The following TMEM116 variants were observed in gnomAD, a reference collection of about 807,000 sequenced individuals.
TMEM116 encodes transmembrane protein 116.
In TMEM116, 38 loss-of-function variants were observed where a neutral mutation model predicts 44.3. That is an observed-to-expected ratio of 0.86 (90% CI 0.66 to 1.12). TMEM116 has a LOEUF of 1.12. TMEM116 is among the 50% of genes most tolerant of loss of function. The pLI, the probability that TMEM116 is intolerant of heterozygous loss-of-function variation, is 0.00. For synonymous variants in TMEM116, 132 were observed against 144.8 expected, an observed-to-expected ratio of 0.91 and a Z score of 0.64; for missense variants, 354 against 401.7, an observed-to-expected ratio of 0.88 and a Z score of 1.01.
chr12:111,980,441 A>G (rs1174224893), intron 4 of TMEM116, among the ~76,000 whole-genome samples: 2 of 98,776 alleles, frequency 2.0e-5, no homozygotes, highest in Non-Finnish European at 4.3e-5. Flanking sequence ...ATATATGAAT[A>G]AAAAATTTTA....
intron 4 of TMEM116, among the ~76,000 whole-genome samples, chr12:111,953,235 A>T (rs930845101): frequency 7.2e-5 from 11 of 152,310 alleles, no homozygotes; most frequent in Middle Eastern, 3.4e-3. Flanking sequence ...AAATGTGACT[A>T]AAAGAGTTTG....
intron 4 of TMEM116, among the ~76,000 whole-genome samples, chr12:111,953,695 C>G (rs201999325): frequency 6.6e-6 from 1 of 152,216 alleles, no homozygotes; most frequent in Non-Finnish European, 1.5e-5. Flanking sequence ...CGTAATCCTC[C>G]TTATTTTTCC....
intron 4 of TMEM116, among the ~76,000 whole-genome samples, chr12:111,964,159 G>A (rs1038404337): frequency 4.1e-5 from 6 of 147,824 alleles, no homozygotes; most frequent in African/African-American, 1.5e-4. Context: ...AAAAAGTAAA[G>A]GCTGGGTGCG....
chr12:111,987,536 C>T (rs755706234), intron 4 of TMEM116, among the ~76,000 whole-genome samples: 1 of 149,808 alleles, frequency 6.7e-6, no homozygotes, highest in Non-Finnish European at 1.5e-5. Context: ...GGGGAAAGGA[C>T]TTGAAGAGAC....
intron 1 of TMEM116, chr12:112,011,381 T>C (rs1014927743): frequency 6.6e-6 from 1 of 152,272 alleles, no homozygotes; most frequent in Non-Finnish European, 1.5e-5. Flanking sequence ...TCAAAATTTA[T>C]ATCCAATCAA....
chr12:111,931,307 A>G lies in TMEM116; in HGVS notation c.*314T>C. The stretch of plus-strand genomic sequence containing the variant: ...TTTGAAATGACACATATAAATAATA[A>G]TCTAGAATTTATTTTTTCTAGAAGA... On this transcript the variant is annotated 3_prime_UTR_variant, in exon 11 of 11. Coordinates refer to ENST00000552374, the MANE Select transcript of TMEM116 (RefSeq NM_001193531.2). 3.3e-6 allele frequency: 1 copy of G among 304,082 alleles called. No homozygotes were observed. The highest frequency in any genetic ancestry group is 3.9e-5 in the South Asian group (1 of 25,664). The allele number at this position is 304,082 out of a possible 1,614,324, so 18.8% of individuals were successfully genotyped here. A position where few individuals can be genotyped will look rare whatever the true frequency, so the allele number is the denominator to read the frequency against.
intron 1 of TMEM116, chr12:112,005,753 A>G: frequency 2.1e-6 from 2 of 969,810 alleles, no homozygotes; most frequent in Non-Finnish European, 2.5e-6. Flanking sequence ...GAATACAGAG[A>G]TGTGTGGAAA....
intron 5 of TMEM116, among the ~76,000 whole-genome samples, chr12:111,940,542 TATACACAC>T (rs1304759424): frequency 1.9e-5 from 2 of 103,652 alleles, no homozygotes; most frequent in Middle Eastern, 4.1e-3. Flanking sequence ...TATATATATA[TATACACAC>T]ACACATATAT....
At chr12:111,936,035 C>T (rs964478396) in intron 8 of TMEM116, 3 of 152,240 alleles carry the variant, frequency 2.0e-5, no homozygotes, top group Non-Finnish European at 2.9e-5. Flanking sequence ...CACATTTGAT[C>T]TGCAGGTAGA....
intron 2 of TMEM116, 141 bp from the exon 3 acceptor site, chr12:112,004,004 A>G: frequency 8.0e-7 from 1 of 1,248,476 alleles, no homozygotes; most frequent in Non-Finnish European, 1.0e-6. Context: ...TTTTAGACAC[A>G]GGGTCTTGCT....
intron 4 of TMEM116, among the ~76,000 whole-genome samples, chr12:111,959,321 C>A (rs1228390157): frequency 6.6e-6 from 1 of 152,296 alleles, no homozygotes; most frequent in South Asian, 2.1e-4. Context: ...CACCACCAGG[C>A]CTGCCTTACA....
intron 3 of TMEM116, chr12:111,993,835 G>A (rs1261399624): frequency 1.3e-6 from 1 of 748,552 alleles, no homozygotes; most frequent in African/African-American, 1.7e-5. Flanking sequence ...TGATGATTCT[G>A]TGGTATCTGT....
At chr12:112,010,538 G>A (rs1205172383) in intron 1 of TMEM116, 1 of 152,232 alleles carries the variant, frequency 6.6e-6, no homozygotes, top group African/African-American at 2.4e-5. Flanking sequence ...CAGTAGAGAG[G>A]AGGCCCTGGA....
intron 4 of TMEM116, among the ~76,000 whole-genome samples, chr12:111,956,432 G>C (rs1207986684): frequency 5.9e-5 from 9 of 152,138 alleles, no homozygotes; most frequent in Admixed American, 5.9e-4. Flanking sequence ...AATTAATGCT[G>C]ATCCCTGACA....
intron 4 of TMEM116, among the ~76,000 whole-genome samples, chr12:111,982,338 T>C (rs1431788132): frequency 6.6e-6 from 1 of 151,862 alleles, no homozygotes; most frequent in African/African-American, 2.4e-5. Context: ...TCTTGCTCTG[T>C]TGCCCAGACT....
At chr12:111,994,905 A>G (rs11066117) in intron 3 of TMEM116, among the ~76,000 whole-genome samples, 22,048 of 152,030 alleles carry the variant, frequency 0.15, 2,034 homozygotes, top group African/African-American at 0.26. Flanking sequence ...CATATGAACA[A>G]GCGCCCCTCA....
At chr12:111,941,293 T>C (rs2072795114) in intron 5 of TMEM116, among the ~76,000 whole-genome samples, 1 of 151,864 alleles carries the variant, frequency 6.6e-6, no homozygotes, top group Non-Finnish European at 1.5e-5. Flanking sequence ...GAAGAATCGC[T>C]TGAACCAGGG....
chr12:112,005,218 CT>C, intron 2 of TMEM116, 38 bp downstream of exon 2: 1 of 1,347,820 alleles, frequency 7.4e-7, no homozygotes, highest in South Asian at 1.7e-5. Context: ...ACGAACTTTG[CT>C]TATACTAGTT....
intron 4 of TMEM116, among the ~76,000 whole-genome samples, chr12:111,977,506 T>TTCAGACAAACAAAAAC (rs2075734405): frequency 6.6e-6 from 1 of 152,060 alleles, no homozygotes; most frequent in African/African-American, 2.4e-5. Context: ...GAAGGAGAAA[T>TTCAGACAAACAAAAAC]TCAGACAAAC....
Sources: allele counts gnomAD v4.1 joint callset (sites outside exome capture counted in the v4.1 genomes callset), GRCh38; gene constraint gnomAD v4.1.1; transcripts MANE v1.5; gene names NCBI Gene and HGNC (gene_info 2026-07-23, HGNC 2026-07-21).